DYNC1I1: variants seen among roughly 807,000 people sequenced by gnomAD.
DYNC1I1 encodes cytoplasmic dynein 1 intermediate chain 1.
A neutral mutation model predicts 86.6 loss-of-function variants in DYNC1I1; 43 were observed. The observed-to-expected ratio is 0.50, with a 90% CI of 0.39 to 0.64. The LOEUF (loss-of-function observed/expected upper bound fraction) is 0.64. Among genes scored for constraint, DYNC1I1 ranks in the 30% least tolerant of loss-of-function variants. The pLI is 0.00. For missense variants in DYNC1I1, 604 were observed against 788.8 expected, an observed-to-expected ratio of 0.77 and a Z score of 2.81; for synonymous variants, 262 against 283.7, an observed-to-expected ratio of 0.92 and a Z score of 0.77.
intron 1 of DYNC1I1, among the ~76,000 whole-genome samples, chr7:95,795,951 C>T (rs1444345185): frequency 6.6e-6 from 1 of 150,398 alleles, no homozygotes; most frequent in Non-Finnish European, 1.5e-5. Flanking sequence ...TGATGGTTTG[C>T]AAACTCCTCA....
rs1788945799 is a variant in DYNC1I1, at chr7:95,832,669, T to A, written c.374+4553T>A. 4.6e-5 allele frequency among the ~76,000 whole-genome samples: 7 copies of A among 152,260 alleles called. No individual in the cohort carries two copies. In the South Asian group the frequency reaches 1.5e-3, roughly 32 times the overall value. The stretch of plus-strand genomic sequence containing the variant: ...TTTTAATGATTGCCATTCTAACTGG[T>A]GTGAGATGGTATCTCATTGTGGTTT... On this transcript the variant is annotated intron_variant, in intron 5 of 16. Coordinates refer to ENST00000447467, the MANE Select transcript of DYNC1I1 (RefSeq NM_001135556.2).
intron 6 of DYNC1I1, among the ~76,000 whole-genome samples, chr7:95,895,482 G>A (rs1360396991): frequency 1.3e-5 from 2 of 152,098 alleles, no homozygotes; most frequent in South Asian, 2.1e-4. Context: ...CCGATGGCTG[G>A]CCACTATACT....
At chr7:95,822,975 G>C (rs896272373) in intron 4 of DYNC1I1, among the ~76,000 whole-genome samples, 1 of 152,112 alleles carries the variant, frequency 6.6e-6, no homozygotes, top group African/African-American at 2.4e-5. Context: ...GGAAGCTGTC[G>C]TAGTTAAACA....
intron 4 of DYNC1I1, among the ~76,000 whole-genome samples, chr7:95,824,432 C>G (rs1281736950): frequency 6.6e-6 from 1 of 152,216 alleles, no homozygotes; most frequent in East Asian, 1.9e-4. Context: ...TCAAAATCTT[C>G]TCTCCTCTGC....
intron 14 of DYNC1I1, among the ~76,000 whole-genome samples, chr7:96,063,578 T>C (rs1352976511): frequency 6.6e-6 from 1 of 152,176 alleles, no homozygotes; most frequent in East Asian, 1.9e-4. Context: ...TGTCTTCACA[T>C]GGGCTTCCCT....
intron 10 of DYNC1I1, among the ~76,000 whole-genome samples, chr7:96,019,660 C>T (rs1214441290): frequency 1.3e-5 from 2 of 151,956 alleles, no homozygotes; most frequent in Non-Finnish European, 2.9e-5. Context: ...CAATAGAGTC[C>T]AGCTCTAATT....
chr7:96,059,034 G>A (rs1789677925), intron 14 of DYNC1I1, among the ~76,000 whole-genome samples: 1 of 152,000 alleles, frequency 6.6e-6, no homozygotes, highest in Admixed American at 6.6e-5. Flanking sequence ...TGCTTCTGAG[G>A]GAGATACTGG....
intron 5 of DYNC1I1, among the ~76,000 whole-genome samples, chr7:95,848,957 A>G (rs1245583563): frequency 6.6e-6 from 1 of 151,958 alleles, no homozygotes; most frequent in Admixed American, 6.6e-5. Flanking sequence ...GTAGTTTTTA[A>G]TTTGCATTTC....
At chr7:95,859,816 T>C (rs1257370748) in intron 5 of DYNC1I1, among the ~76,000 whole-genome samples, 1 of 152,172 alleles carries the variant, frequency 6.6e-6, no homozygotes, top group Non-Finnish European at 1.5e-5. Flanking sequence ...GGCTGGCATC[T>C]AGGGTCATGA....
At chr7:96,040,919 C>T (rs551742928) in intron 14 of DYNC1I1, among the ~76,000 whole-genome samples, 34 of 151,854 alleles carry the variant, frequency 2.2e-4, no homozygotes, top group African/African-American at 6.5e-4. Flanking sequence ...GATGGGGTTT[C>T]GCATGTTGGC....
chr7:95,966,223 C>G (rs6961619), intron 6 of DYNC1I1, among the ~76,000 whole-genome samples: 119,737 of 152,192 alleles, frequency 0.79, 47,306 homozygotes, highest in East Asian at 0.88. Flanking sequence ...CCCAGGCACT[C>G]TTTATTCACA....
chr7:96,074,912 A>T (rs1044955462), intron 14 of DYNC1I1, among the ~76,000 whole-genome samples: 1 of 152,264 alleles, frequency 6.6e-6, no homozygotes, highest in Non-Finnish European at 1.5e-5. Context: ...ACCCATGAAG[A>T]GAGTACAGAC....
chr7:96,103,600 C>T (rs1791168486), intron 16 of DYNC1I1, among the ~76,000 whole-genome samples: 2 of 151,942 alleles, frequency 1.3e-5, no homozygotes, highest in South Asian at 4.1e-4. Context: ...TAGTGGCCCA[C>T]AGGCTCTATA....
intron 5 of DYNC1I1, among the ~76,000 whole-genome samples, chr7:95,850,688 T>C (rs1789554521): frequency 6.6e-6 from 1 of 152,224 alleles, no homozygotes; most frequent in Non-Finnish European, 1.5e-5. Context: ...TTAAGATCTG[T>C]CAGCAAAACT....
chr7:95,866,229 C>CT (rs1165139202), intron 5 of DYNC1I1, among the ~76,000 whole-genome samples: 2 of 152,154 alleles, frequency 1.3e-5, no homozygotes, highest in African/African-American at 4.8e-5. Context: ...TTGTATGGTA[C>CT]TTAACTCAGA....
intron 16 of DYNC1I1, among the ~76,000 whole-genome samples, chr7:96,086,640 A>G (rs1790687425): frequency 6.6e-6 from 1 of 152,232 alleles, no homozygotes; most frequent in Non-Finnish European, 1.5e-5. Context: ...TATTCATTTC[A>G]TTACAAATTT....
chr7:95,973,485 T>C (rs1199946144), intron 6 of DYNC1I1, among the ~76,000 whole-genome samples: 1 of 152,198 alleles, frequency 6.6e-6, no homozygotes, highest in African/African-American at 2.4e-5. Context: ...AGTTTCTCAT[T>C]ATGGGACTTT....
At chr7:95,940,645 C>G (rs996134093) in intron 6 of DYNC1I1, among the ~76,000 whole-genome samples, 1 of 152,216 alleles carries the variant, frequency 6.6e-6, no homozygotes, top group African/African-American at 2.4e-5. Context: ...ACTTTCAGCT[C>G]TATCAGCTCC....
At chr7:95,838,745 T>G (rs1214760685) in intron 5 of DYNC1I1, among the ~76,000 whole-genome samples, 1 of 152,158 alleles carries the variant, frequency 6.6e-6, no homozygotes, top group Non-Finnish European at 1.5e-5. Flanking sequence ...GTAGAGATTT[T>G]TCACCTTGGT....
Sources: allele counts gnomAD v4.1 joint callset (sites outside exome capture counted in the v4.1 genomes callset), GRCh38; gene constraint gnomAD v4.1.1; transcripts MANE v1.5; gene names NCBI Gene and HGNC (gene_info 2026-07-23, HGNC 2026-07-21).